The following DNAH7 variants were observed in gnomAD, a reference collection of about 807,000 sequenced individuals.
DNAH7 encodes axonemal beta dynein heavy chain 7.
Under a neutral mutation model 444.6 loss-of-function variants are expected in DNAH7, and 397 were observed. The observed-to-expected ratio is 0.89, with a 90% confidence interval of 0.82 to 0.97. The LOEUF is 0.97. DNAH7 is among the 50% of genes least tolerant of loss of function. The probability of loss-of-function intolerance (pLI) is 0.00; values close to 1 mark genes in which losing one functional copy is unlikely to be tolerated. For missense variants in DNAH7, 4,902 were observed against 4,800.8 expected (o/e 1.02, Z -0.62); for synonymous variants, 1,636 against 1,624.4 (o/e 1.01, Z -0.17).
At chr2:195,984,862 AC>A (rs1692803966) in intron 14 of DNAH7, 152 bp from the exon 15 acceptor site, 1 of 660,490 alleles carries the variant, frequency 1.5e-6, no homozygotes, top group South Asian at 2.0e-5. Flanking sequence ...AAATTTGCAT[AC>A]ATTTACTTAT....
chr2:195,808,135 C>T (rs904510032), intron 53 of DNAH7, among the ~76,000 whole-genome samples: 7 of 152,038 alleles, frequency 4.6e-5, no homozygotes, highest in East Asian at 1.9e-4. Flanking sequence ...AAAATATTAG[C>T]CCTTGTGTTA....
chr2:196,022,425 C>T (rs1298322834), intron 8 of DNAH7, among the ~76,000 whole-genome samples: 1 of 152,192 alleles, frequency 6.6e-6, no homozygotes, highest in Non-Finnish European at 1.5e-5. Flanking sequence ...CTGATGCTGC[C>T]TTATCAACTA....
At chr2:196,047,764 A>G (rs1697229159) in intron 4 of DNAH7, among the ~76,000 whole-genome samples, 1 of 151,902 alleles carries the variant, frequency 6.6e-6, no homozygotes, top group Non-Finnish European at 1.5e-5. Context: ...TTATATTTAC[A>G]TATGATTCTC....
chr2:196,024,638 T>C, intron 7 of DNAH7, 134 bp from the exon 8 acceptor site: 1 of 502,736 alleles, frequency 2.0e-6, no homozygotes, highest in Non-Finnish European at 3.3e-6. Context: ...GAGAAATTTG[T>C]GCATTTATGA....
chr2:195,885,338 G>A (rs962760813), intron 34 of DNAH7, among the ~76,000 whole-genome samples: 2 of 152,126 alleles, frequency 1.3e-5, no homozygotes, highest in African/African-American at 2.4e-5. Flanking sequence ...AGGAAACAGA[G>A]TAGAAGACAA....
intron 14 of DNAH7, among the ~76,000 whole-genome samples, chr2:195,986,096 CAT>C (rs539734749): frequency 1.1e-4 from 16 of 152,330 alleles, no homozygotes; most frequent in African/African-American, 3.8e-4. Flanking sequence ...ATAAAATTCA[CAT>C]GTCAGTTCCT....
chr2:195,807,728 A>G (rs920940367), intron 53 of DNAH7, among the ~76,000 whole-genome samples: 5 of 152,212 alleles, frequency 3.3e-5, no homozygotes, highest in Non-Finnish European at 7.3e-5. Context: ...TGTACCTGTG[A>G]AACTTTAGGA....
At chr2:196,058,795 A>C (rs1475151372) in intron 1 of DNAH7, among the ~76,000 whole-genome samples, 1 of 152,236 alleles carries the variant, frequency 6.6e-6, no homozygotes, top group Non-Finnish European at 1.5e-5. Context: ...AATCCCTATC[A>C]AAATCCCAGC....
At chr2:196,062,345 C>T (rs575135526) in intron 1 of DNAH7, among the ~76,000 whole-genome samples, 1 of 152,162 alleles carries the variant, frequency 6.6e-6, no homozygotes, top group Non-Finnish European at 1.5e-5. Context: ...CTTAACTAAA[C>T]CATAATCCCA....
Position 195,960,702 on chromosome 2 carries a change from A to G in DNAH7, c.2449T>C (p.Ser817Pro). 1 of 1,614,180 alleles carries G rather than the reference A, an allele frequency of 6.2e-7. No individual in the cohort carries two copies. Among genetic ancestry groups the G allele is most frequent in the Non-Finnish European group, 8.5e-7 (1 of 1,180,010 alleles). ...TTTGTCATTGCCAATGCATATGGAG[A>G]ATCATGAAAGGTTTTCTCCAGTTTA... ...LYKLEKTFHD[S>P]PYALAMTKKV... is the part of the protein sequence containing the mutation. Residue 817 changes from serine (S) to proline (P), a missense_variant, in exon 18 of 65, where the codon TCT becomes CCT. Ser to Pro is a moderately conservative substitution (Grantham distance 74). Coordinates refer to ENST00000312428, the MANE Select transcript of DNAH7 (RefSeq NM_018897.3).
intron 63 of DNAH7, among the ~76,000 whole-genome samples, chr2:195,747,024 CA>C (rs1221597297): frequency 1.3e-5 from 2 of 151,794 alleles, no homozygotes; most frequent in East Asian, 1.9e-4. Flanking sequence ...AATAGAGACA[CA>C]AAAAAACCCT....
At position 196,012,851 on chromosome 2, in the gene DNAH7, G is replaced by C; in HGVS notation, c.925C>G (p.Leu309Val). ...ATGATAATGTTCTGAAAACTTGACA[G>C]CTCTAATGCATCCTGGCAATTATGA... ...EFHNCQDALE[L>V]SSFQNIIMRH... Residue 309 changes from leucine to valine, a missense_variant, in exon 10 of 65, where the codon CTG becomes GTG. By Grantham distance (32) the Leu-to-Val change is conservative. Transcript: ENST00000312428. 6.4e-7 allele frequency: 1 copy of C among 1,560,328 alleles called. No individual in the cohort carries two copies. The highest frequency in any genetic ancestry group is 8.7e-7 in the Non-Finnish European group (1 of 1,155,378).
At chr2:195,888,167 C>T in intron 33 of DNAH7, 91 bp downstream of exon 33, 1 of 1,056,612 alleles carries the variant, frequency 9.5e-7, no homozygotes, top group South Asian at 1.7e-5. Flanking sequence ...TATCTCTTAG[C>T]TGATAATAAA....
chr2:196,017,000 TTTTA>T (rs1291188641), intron 9 of DNAH7, among the ~76,000 whole-genome samples: 3 of 152,308 alleles, frequency 2.0e-5, no homozygotes, highest in Admixed American at 1.3e-4. Context: ...TTTTTTATTA[TTTTA>T]TTTAATTTTA....
intron 16 of DNAH7, 138 bp from the exon 17 acceptor site, chr2:195,970,232 G>T: frequency 1.3e-6 from 1 of 755,058 alleles, no homozygotes; most frequent in Non-Finnish European, 2.0e-6. Context: ...TCTGGAAAAT[G>T]AACGAGATCT....
chr2:195,886,935 C>G (rs1016915086), intron 33 of DNAH7, among the ~76,000 whole-genome samples: 4 of 152,168 alleles, frequency 2.6e-5, no homozygotes, highest in Non-Finnish European at 4.4e-5. Context: ...CTGAGACAGA[C>G]TCCCTGAAGA....
At chr2:196,030,003 A>G (rs1575061124) in intron 5 of DNAH7, among the ~76,000 whole-genome samples, 1 of 152,248 alleles carries the variant, frequency 6.6e-6, no homozygotes, top group South Asian at 2.1e-4. Context: ...AAGAAAAGTC[A>G]TCAGCTAAGG....
Position 196,053,693 on chromosome 2 carries a change from A to G in DNAH7, c.79-2444T>C, listed in dbSNP as rs1448400155. Among the ~76,000 whole-genome samples the G allele has an allele frequency of 2.6e-5, 4 of 152,160 alleles. No homozygotes were observed. In the East Asian group the frequency reaches 7.7e-4, roughly 29 times the overall value. Reference sequence around the variant, plus strand: ...CTGATCATACTGCTCCCCTGTTCAGAAACATTTTAAAGCCCCCTGTTGAAG... The same window carrying G: ...CTGATCATACTGCTCCCCTGTTCAGGAACATTTTAAAGCCCCCTGTTGAAG... On this transcript the variant is annotated intron_variant, in intron 2 of 64. Coordinates refer to ENST00000312428, the MANE Select transcript of DNAH7 (RefSeq NM_018897.3).
rs1482943215 is a variant in DNAH7, at chr2:195,798,575, A to G, written c.10353+721T>C. 9.8e-5 allele frequency among the ~76,000 whole-genome samples: 12 copies of G among 121,902 alleles called. No homozygotes were observed. In the Admixed American group the frequency reaches 1.2e-3, roughly 12 times the overall value. 80.0% of individuals were successfully genotyped at this position (121,902 alleles called of 152,430 possible). A position where few individuals can be genotyped will look rare whatever the true frequency, so the allele number is the denominator to read the frequency against. The stretch of plus-strand genomic sequence containing the variant: ...TTTTTTTTTCTTGAGATGGAGTCTC[A>G]CTCTGTCGCCCAGGCTGGAGTGCTA... On this transcript the variant is annotated intron_variant, in intron 55 of 64. Coordinates refer to ENST00000312428, the MANE Select transcript of DNAH7 (RefSeq NM_018897.3).
Sources: gnomAD v4.1 joint callset for allele counts (sites outside exome capture counted in the v4.1 genomes callset) on GRCh38, gnomAD v4.1.1 for gene constraint, MANE v1.5 for transcripts, NCBI Gene and HGNC (gene_info 2026-07-23, HGNC 2026-07-21) for gene names.